MET: variants seen among roughly 807,000 people sequenced by gnomAD.
The protein encoded by MET is hepatocyte growth factor receptor.
A neutral mutation model predicts 133.1 loss-of-function variants in MET; 48 were observed. The ratio of observed to expected loss-of-function variants is 0.36; its 90% confidence interval spans 0.29 to 0.46. The LOEUF (loss-of-function observed/expected upper bound fraction) is 0.46. Ranked by LOEUF, MET falls within the 20% of genes least tolerant of loss-of-function variation. The pLI is 1.00. For synonymous variants in MET, 628 were observed against 616.5 expected, an observed-to-expected ratio of 1.02 and a Z score of -0.28; for missense variants, 1,442 against 1,695.9, an observed-to-expected ratio of 0.85 and a Z score of 2.63.
chr7:116,773,606 T>C (rs1486892295), intron 14 of MET, among the ~76,000 whole-genome samples: 3 of 152,196 alleles, frequency 2.0e-5, no homozygotes. Flanking sequence ...CCCTGACTCC[T>C]TGGAATTAAG....
In MET at chr7:116,755,463, C is replaced by T. The variant is rs201861645; in HGVS notation, c.1810C>T (p.Leu604Phe). The change falls in exon 6 of 21, where the codon CTC (leucine) becomes TTC (phenylalanine). Residue 604 changes from leucine (L) to phenylalanine (F), a missense_variant. Physicochemically the swap from Leu to Phe is conservative, Grantham distance 22. This residue lies in a region of MET where 762 missense variants were observed against 792.4 expected (regional missense o/e 0.96). Coordinates refer to ENST00000397752, the MANE Select transcript of MET (RefSeq NM_000245.4). Reference sequence around the variant, plus strand: ...ATTTGATTTAAAGAAAACTAGAGTTCTCCTTGGAAATGAGAGCTGCACCTT... The same window carrying T: ...ATTTGATTTAAAGAAAACTAGAGTTTTCCTTGGAAATGAGAGCTGCACCTT... ...NKFDLKKTRV[L>F]LGNESCTLTL... 1 of 1,614,096 alleles carries T rather than the reference C, an allele frequency of 6.2e-7. No individual in the cohort carries two copies. The highest frequency in any genetic ancestry group is 8.5e-7 in the Non-Finnish European group (1 of 1,180,008).
At chr7:116,681,797 G>A (rs1159797317) in intron 1 of MET, among the ~76,000 whole-genome samples, 9 of 152,174 alleles carry the variant, frequency 5.9e-5, no homozygotes, top group Admixed American at 5.9e-4. Flanking sequence ...AAGACAGCAA[G>A]CCAATATGAT....
intron 15 of MET, among the ~76,000 whole-genome samples, chr7:116,776,167 G>A (rs2117036072): frequency 6.6e-6 from 1 of 152,158 alleles, no homozygotes; most frequent in East Asian, 1.9e-4. Context: ...GCATCTGCCA[G>A]TGTGATACAA....
intron 15 of MET, among the ~76,000 whole-genome samples, chr7:116,776,678 GATGAATTAATTAGTGA>G (rs749253844): frequency 6.6e-6 from 1 of 152,180 alleles, no homozygotes; most frequent in Non-Finnish European, 1.5e-5. Flanking sequence ...TGGCCAGCTG[GATGAATTAATTAGTGA>G]ATGACTTACA....
At chr7:116,769,955 C>T in intron 12 of MET, 164 bp downstream of exon 12, 1 of 998,164 alleles carries the variant, frequency 1.0e-6, no homozygotes. Context: ...AGCTTTTTGC[C>T]ACATTGTCTC....
chr7:116,772,129 G>C (rs1794857438), intron 14 of MET, 140 bp downstream of exon 14: 2 of 888,434 alleles, frequency 2.3e-6, no homozygotes, highest in Non-Finnish European at 3.4e-6. Flanking sequence ...GTAAGTATTT[G>C]ACACAAAATT....
chr7:116,711,597 G>A (rs1791998674), intron 2 of MET, among the ~76,000 whole-genome samples: 1 of 151,676 alleles, frequency 6.6e-6, no homozygotes, highest in Non-Finnish European at 1.5e-5. Context: ...AAAGCAGAAA[G>A]AGAAAATTGT....
chr7:116,740,415 G>A (rs1016255081), intron 4 of MET, among the ~76,000 whole-genome samples: 7 of 152,288 alleles, frequency 4.6e-5, no homozygotes, highest in Admixed American at 2.6e-4. Context: ...ATTGGAATCC[G>A]ACTCCAACCA....
intron 1 of MET, among the ~76,000 whole-genome samples, chr7:116,682,634 C>T (rs986021572): frequency 6.6e-6 from 1 of 152,166 alleles, no homozygotes; most frequent in Non-Finnish European, 1.5e-5. Flanking sequence ...ACAGTGAAGA[C>T]GTTCAATGAG....
intron 11 of MET, among the ~76,000 whole-genome samples, chr7:116,768,340 C>G (rs1229954521): frequency 2.0e-5 from 3 of 152,170 alleles, no homozygotes; most frequent in African/African-American, 7.2e-5. Context: ...TGAATTCCCT[C>G]CAATATGTGG....
intron 2 of MET, among the ~76,000 whole-genome samples, chr7:116,716,408 A>G (rs1792211076): frequency 6.6e-6 from 1 of 150,570 alleles, no homozygotes; most frequent in African/African-American, 2.4e-5. Context: ...GAAATATGAA[A>G]GAAAGAAAGA....
intron 19 of MET, among the ~76,000 whole-genome samples, chr7:116,784,754 T>G (rs1034491548): frequency 4.6e-5 from 7 of 152,090 alleles, no homozygotes; most frequent in Admixed American, 1.3e-4. Context: ...CTCCCAAATC[T>G]CACGTCCTTC....
intron 10 of MET, among the ~76,000 whole-genome samples, chr7:116,760,764 A>G (rs1794370491): frequency 6.6e-6 from 1 of 152,208 alleles, no homozygotes; most frequent in Non-Finnish European, 1.5e-5. Flanking sequence ...GCCACATTGC[A>G]TCACCTCTAG....
chr7:116,745,999 C>A (rs1793663468), intron 5 of MET, among the ~76,000 whole-genome samples: 1 of 152,146 alleles, frequency 6.6e-6, no homozygotes, highest in Non-Finnish European at 1.5e-5. Flanking sequence ...AGGCAACCTA[C>A]AGAATGGGAG....
At chr7:116,741,133 G>GA (rs773690724) in intron 5 of MET, 108 bp downstream of exon 5, 6 of 1,272,394 alleles carry the variant, frequency 4.7e-6, no homozygotes, top group East Asian at 5.0e-5. Context: ...TCCCACTAAT[G>GA]AAAAAAATTT....
At position 116,797,749 on chromosome 7, in the gene MET, A is replaced by G. The variant is rs1336444482; in HGVS notation, c.*1625A>G. ...ATTAATGACAGCATGATTTTCAATG[A>G]CTGTAAATTGCGATAAGGAAATGTA... is the stretch of plus-strand genomic sequence containing the variant. On this transcript the variant is annotated 3_prime_UTR_variant, in exon 21 of 21. Coordinates refer to ENST00000397752, the MANE Select transcript of MET (RefSeq NM_000245.4). 1 of 228,082 alleles carries G rather than the reference A, an allele frequency of 4.4e-6. No homozygotes were observed. The highest frequency in any genetic ancestry group is 8.7e-6 in the Non-Finnish European group (1 of 114,788). 14.1% of individuals were successfully genotyped at this position (228,082 alleles called of 1,614,324 possible). A position where few individuals can be genotyped will look rare whatever the true frequency, so the allele number is the denominator to read the frequency against.
chr7:116,765,467 A>G (rs1562927065), intron 11 of MET, among the ~76,000 whole-genome samples: 1 of 151,978 alleles, frequency 6.6e-6, no homozygotes, highest in Non-Finnish European at 1.5e-5. Flanking sequence ...CCTAGTTGTG[A>G]GAGTCCCTCA....
chr7:116,783,230 A>C, intron 18 of MET, 74 bp from the exon 19 acceptor site: 1 of 1,564,258 alleles, frequency 6.4e-7, no homozygotes, highest in Non-Finnish European at 8.8e-7. Flanking sequence ...CCACTTGTTT[A>C]ATCTGTAGAT....
chr7:116,718,701 T>A (rs982677865), intron 2 of MET, among the ~76,000 whole-genome samples: 2 of 144,966 alleles, frequency 1.4e-5, no homozygotes, highest in African/African-American at 5.1e-5. Context: ...GTTCATGTGA[T>A]CTCATTGTTC....
Sources: allele counts gnomAD v4.1 joint callset (sites outside exome capture counted in the v4.1 genomes callset), GRCh38; gene constraint gnomAD v4.1.1; regional missense constraint gnomAD v4.1.1; transcripts MANE v1.5; gene names NCBI Gene and HGNC (gene_info 2026-07-23, HGNC 2026-07-21).